ALG9: variants seen among roughly 807,000 people sequenced by gnomAD.
ALG9 encodes the protein alpha-1,2-mannosyltransferase ALG9.
In ALG9, 55 loss-of-function variants were observed where a neutral mutation model predicts 81.8. The ratio of observed to expected loss-of-function variants is 0.67; its 90% CI spans 0.54 to 0.84. The LOEUF (loss-of-function observed/expected upper bound fraction) is 0.84. ALG9 is among the 40% of genes least tolerant of loss of function. ALG9 has a pLI of 0.00. For synonymous variants in ALG9, 278 were observed against 274.3 expected (o/e 1.01, Z -0.13); for missense variants, 629 against 745.0 (o/e 0.84, Z 1.81).
chr11:111,830,958 G>GT (rs1954248707), intron 13 of ALG9, among the ~76,000 whole-genome samples: 1 of 152,088 alleles, frequency 6.6e-6, no homozygotes, highest in South Asian at 2.1e-4. Flanking sequence ...ATCACTTGAA[G>GT]CCTGGAGTTC....
In ALG9 at chr11:111,827,552, A is replaced by G. The variant is rs1953559405; in HGVS notation, c.1602+8613T>C. On this transcript the variant is annotated intron_variant, in intron 13 of 14. Coordinates refer to ENST00000616540, the MANE Select transcript of ALG9 (RefSeq NM_024740.2). ...TCAACCAACGAATGAAAAGAGTAAG[A>G]AACACTTAACAGTGATTAAGAACAA... 2.6e-5 allele frequency among the ~76,000 whole-genome samples: 4 copies of G among 152,066 alleles called. No individual in the cohort carries two copies. In the South Asian group the frequency reaches 6.2e-4, roughly 24 times the overall value.
chr11:111,870,834 T>C, intron 1 of ALG9: 2 of 1,005,896 alleles, frequency 2.0e-6, no homozygotes, highest in Non-Finnish European at 2.4e-6. Context: ...GTCATTGCTT[T>C]TGATGGCTTT....
chr11:111,814,810 AG>A (rs1951241544), intron 13 of ALG9: 1 of 152,246 alleles, frequency 6.6e-6, no homozygotes, highest in South Asian at 2.1e-4. Flanking sequence ...TAAACACTTC[AG>A]GAAGTAGCCT....
At chr11:111,863,563 C>T (rs1194658513) in intron 4 of ALG9, among the ~76,000 whole-genome samples, 3 of 152,076 alleles carry the variant, frequency 2.0e-5, no homozygotes, top group Non-Finnish European at 4.4e-5. Flanking sequence ...ACATTTTTAG[C>T]TGTGGGAAGA....
intron 13 of ALG9, among the ~76,000 whole-genome samples, chr11:111,814,389 T>G (rs1255594006): frequency 6.6e-6 from 1 of 151,438 alleles, no homozygotes; most frequent in East Asian, 1.9e-4. Flanking sequence ...AGAACAGGGG[T>G]GTGGGTAGGT....
At position 111,840,675 on chromosome 11, in the gene ALG9, C is replaced by T; in HGVS notation, c.1153G>A (p.Val385Met). The stretch of plus-strand genomic sequence containing the variant: ...CTCACCTGAAGTGCAGAGAGAGCCA[C>T]AGCGCCACAGAGACATATAAGTGGA... ...VYPLICLCGAVALSALQHSFL... is the reference protein window; with the variant it reads ...VYPLICLCGAMALSALQHSFL... The change falls in exon 10 of 15, where the codon GTG (valine) becomes ATG (methionine). Residue 385 changes from valine (V) to methionine (M), a missense_variant. Val to Met is a conservative substitution (Grantham distance 21). Around this residue, in one of 3 missense-constraint regions of ALG9, gnomAD observed 264 missense variants for 302.2 expected, o/e 0.87. Coordinates refer to ENST00000616540, the MANE Select transcript of ALG9 (RefSeq NM_024740.2). 1 of 1,613,962 alleles carries T rather than the reference C, an allele frequency of 6.2e-7. No individual in the cohort carries two copies. The highest frequency in any genetic ancestry group is 8.5e-7 in the Non-Finnish European group (1 of 1,179,970).
At chr11:111,793,557 C>G (rs989879917) in intron 14 of ALG9, among the ~76,000 whole-genome samples, 2 of 151,970 alleles carry the variant, frequency 1.3e-5, no homozygotes, top group East Asian at 3.9e-4. Context: ...GTCAGGAGAG[C>G]AAGACCATCC....
chr11:111,867,535 A>G (rs1962895194), intron 3 of ALG9, among the ~76,000 whole-genome samples: 1 of 152,244 alleles, frequency 6.6e-6, no homozygotes, highest in Non-Finnish European at 1.5e-5. Context: ...AAATTTTAAA[A>G]CTGAAAAAGT....
In ALG9 at chr11:111,868,146, C is replaced by T. The variant is rs534949844; in HGVS notation, c.405+456G>A. On this transcript the variant is annotated intron_variant, in intron 3 of 14. Coordinates refer to ENST00000616540, the MANE Select transcript of ALG9 (RefSeq NM_024740.2). ...CCAAAGATTCAAGAAGCTGAATAAA[C>T]TCCAAACAGGACAAACCCAAAGAAA... 3.9e-5 allele frequency among the ~76,000 whole-genome samples: 6 copies of T among 152,274 alleles called. No homozygotes were observed. The South Asian group carries it at 1.2e-3, about 32-fold the overall frequency.
chr11:111,864,876 C>G (rs1316718955), intron 4 of ALG9, among the ~76,000 whole-genome samples: 1 of 152,072 alleles, frequency 6.6e-6, no homozygotes, highest in African/African-American at 2.4e-5. Flanking sequence ...CTCCCAAGTT[C>G]AAGTGACTCT....
chr11:111,813,239 A>T (rs1951000211), intron 13 of ALG9, among the ~76,000 whole-genome samples: 1 of 152,248 alleles, frequency 6.6e-6, no homozygotes, highest in East Asian at 1.9e-4. Context: ...TTTGTGGATA[A>T]AGCATTAATT....
chr11:111,780,432 C>T (rs1434091422), downstream of ALG9, among the ~76,000 whole-genome samples: 3 of 151,076 alleles, frequency 2.0e-5, no homozygotes, highest in East Asian at 1.9e-4. Context: ...AGTCTTGCTC[C>T]GTCACCCAGG....
rs782721504 is a variant in ALG9, at chr11:111,854,440, T to G, written c.702-704A>C. Among the ~76,000 whole-genome samples, 95 of 152,034 alleles carry G rather than the reference T, an allele frequency of 6.2e-4. 1 individual carries two copies. The highest frequency in any genetic ancestry group is 1.2e-3 in the Admixed American group (19 of 15,280). Reference sequence around the variant, plus strand: ...TGCACCACCACACCCCGCTAATTGTTTTGTATTTTTAGTAGAGACAGGGTT... The same window carrying G: ...TGCACCACCACACCCCGCTAATTGTGTTGTATTTTTAGTAGAGACAGGGTT... On this transcript the variant is annotated intron_variant, in intron 6 of 14. Coordinates refer to ENST00000616540, the MANE Select transcript of ALG9 (RefSeq NM_024740.2).
intron 11 of ALG9, 113 bp downstream of exon 11, chr11:111,838,136 T>C: frequency 7.8e-7 from 1 of 1,274,894 alleles, no homozygotes; most frequent in South Asian, 1.3e-5. Flanking sequence ...GGTTCTCTTT[T>C]TAGAAATGGC....
chr11:111,845,058 G>A, intron 8 of ALG9: 1 of 269,652 alleles, frequency 3.7e-6, no homozygotes, highest in Non-Finnish European at 7.3e-6. Flanking sequence ...TCGCTTTAGA[G>A]CCACATAGGG....
chr11:111,798,878 G>T (rs1162546016), intron 14 of ALG9, among the ~76,000 whole-genome samples: 1 of 152,142 alleles, frequency 6.6e-6, no homozygotes, highest in Non-Finnish European at 1.5e-5. Context: ...CTCTAATAAG[G>T]CAAAGAAGCA....
Position 111,786,321 on chromosome 11 carries a change from G to T in ALG9, c.*76C>A, listed in dbSNP as rs782612113. ...GACCTTTATTACAAATGTTACAGGC[G>T]ATGACTTGCAGGGAGTCAGGTCACT... On this transcript the variant is annotated 3_prime_UTR_variant, in exon 15 of 15. Transcript: ENST00000616540. 1.9e-6 allele frequency: 3 copies of T among 1,596,162 alleles called. No homozygotes were observed. Among genetic ancestry groups the T allele is most frequent in the South Asian group, 1.1e-5 (1 of 90,250 alleles).
At chr11:111,803,903 C>T (rs1272409260) in intron 14 of ALG9, among the ~76,000 whole-genome samples, 9 of 151,906 alleles carry the variant, frequency 5.9e-5, no homozygotes, top group Admixed American at 6.6e-5. Context: ...GAGAGCGAGT[C>T]GGGTGGATCA....
chr11:111,870,509 A>C (rs983058926), intron 1 of ALG9, 139 bp from the exon 2 acceptor site: 8 of 1,172,282 alleles, frequency 6.8e-6, no homozygotes, highest in Non-Finnish European at 9.2e-6. Flanking sequence ...AAAAAGGTGA[A>C]TAGCTAGTTG....
Sources: gnomAD v4.1 joint callset for allele counts (sites outside exome capture counted in the v4.1 genomes callset) on GRCh38, gnomAD v4.1.1 for gene constraint, gnomAD v4.1.1 regional missense constraint, MANE v1.5 for transcripts, NCBI Gene and HGNC (gene_info 2026-07-23, HGNC 2026-07-21) for gene names.